The following KRIT1 variants were observed in gnomAD, a reference collection of about 807,000 sequenced individuals.
KRIT1 encodes krev interaction trapped protein 1.
Under a neutral mutation model 95.8 loss-of-function variants are expected in KRIT1, and 45 were observed. That is an observed-to-expected ratio of 0.47 (90% CI 0.37 to 0.60). The LOEUF (loss-of-function observed/expected upper bound fraction) is 0.60, where lower values mean the gene tolerates loss of function less well. KRIT1 is among the 20% of genes least tolerant of loss of function. The pLI, the probability that KRIT1 is intolerant of heterozygous loss-of-function variation, is 0.00. For synonymous variants in KRIT1, 282 were observed against 278.8 expected, an observed-to-expected ratio of 1.01 and a Z score of -0.11; for missense variants, 788 against 877.5, an observed-to-expected ratio of 0.90 and a Z score of 1.29.
At chr7:92,243,124 T>A (rs2131796658) in intron 3 of KRIT1, among the ~76,000 whole-genome samples, 1 of 152,224 alleles carries the variant, frequency 6.6e-6, no homozygotes, top group Admixed American at 6.5e-5. Flanking sequence ...CTGTCAATAA[T>A]CCAAATTTTT....
chr7:92,235,007 A>C, intron 8 of KRIT1, 84 bp from the exon 9 acceptor site: 1 of 736,232 alleles, frequency 1.4e-6, no homozygotes, highest in Admixed American at 2.0e-5. Flanking sequence ...ATTTTTACTT[A>C]TTTATTTATT....
rs1036990474 is a variant in KRIT1, at chr7:92,235,747, C to T, written c.486-101G>A. 2.4e-5 allele frequency: 26 copies of T among 1,061,572 alleles called. 1 individual carries two copies. In the African/African-American group the frequency reaches 3.0e-4, roughly 12 times the overall value. 65.8% of individuals were successfully genotyped at this position (1,061,572 alleles called of 1,614,324 possible). A position where few individuals can be genotyped will look rare whatever the true frequency, so the allele number is the denominator to read the frequency against. ...GATATATGACACTTGTGAATATTAC[C>T]TTCAGATTTTTATAATTTTAATTTA... is the stretch of plus-strand genomic sequence containing the variant. On this transcript the variant is annotated intron_variant, in intron 7 of 18. Transcript: ENST00000394505.
chr7:92,213,835 C>T (rs549687923), intron 16 of KRIT1, 57 bp downstream of exon 16: 10 of 993,546 alleles, frequency 1.0e-5, no homozygotes, highest in Middle Eastern at 2.1e-4. Flanking sequence ...ATTTATAACA[C>T]TAACAAAGTT....
chr7:92,222,477 T>G (rs774301629), intron 13 of KRIT1, among the ~76,000 whole-genome samples: 5 of 152,098 alleles, frequency 3.3e-5, no homozygotes, highest in Admixed American at 6.5e-5. Context: ...AATAGAAAAC[T>G]AATGTAAGAG....
chr7:92,232,211 G>C (rs1232450176), intron 10 of KRIT1, among the ~76,000 whole-genome samples: 1 of 151,974 alleles, frequency 6.6e-6, no homozygotes, highest in African/African-American at 2.4e-5. Flanking sequence ...TACAGGTGTG[G>C]GCCACTACAC....
rs551873487 is a variant in KRIT1 at position 92,226,465 on chromosome 7, G to A, written c.1146+61C>T. ...CTCAAACATACAATTTAACATTTTA[G>A]TGTCATTACTTGTTATTCACTGCTT... On this transcript the variant is annotated intron_variant, in intron 11 of 18. Coordinates refer to ENST00000394505, the MANE Select transcript of KRIT1 (RefSeq NM_194454.3). The A allele has an allele frequency of 5.0e-6, 6 of 1,198,498 alleles. No individual in the cohort carries two copies. The Admixed American group carries it at 1.0e-4, about 20-fold the overall frequency. 74.2% of individuals were successfully genotyped at this position (1,198,498 alleles called of 1,614,324 possible).
At chr7:92,230,645 A>G (rs1461674331) in intron 10 of KRIT1, among the ~76,000 whole-genome samples, 3 of 152,180 alleles carry the variant, frequency 2.0e-5, no homozygotes, top group Non-Finnish European at 4.4e-5. Context: ...TTCAAGAAGG[A>G]AGAGAATCAT....
intron 9 of KRIT1, 45 bp downstream of exon 9, chr7:92,234,763 T>C: frequency 5.8e-6 from 7 of 1,216,694 alleles, no homozygotes; most frequent in Non-Finnish European, 8.6e-6. Flanking sequence ...TAAATTAGAA[T>C]GTAAGTTTTT....
At chr7:92,235,043 A>G (rs1323470961) in intron 8 of KRIT1, 120 bp from the exon 9 acceptor site, 5 of 678,204 alleles carry the variant, frequency 7.4e-6, no homozygotes, top group South Asian at 3.2e-5. Flanking sequence ...TCTGTTGCCC[A>G]GGCTGGAGTT....
intron 18 of KRIT1, 72 bp from the exon 19 acceptor site, chr7:92,200,876 G>A: frequency 9.7e-7 from 1 of 1,036,218 alleles, no homozygotes; most frequent in Admixed American, 1.9e-5. Flanking sequence ...ATGACATTGG[G>A]CAGTTCCCTA....
intron 5 of KRIT1, among the ~76,000 whole-genome samples, chr7:92,238,008 C>T (rs1453619255): frequency 2.0e-5 from 3 of 152,100 alleles, no homozygotes; most frequent in Non-Finnish European, 2.9e-5. Flanking sequence ...GCTAGGAAAA[C>T]TGTTCTGCTA....
intron 14 of KRIT1, among the ~76,000 whole-genome samples, chr7:92,218,887 T>C (rs1354544614): frequency 6.6e-6 from 1 of 152,242 alleles, no homozygotes; most frequent in Non-Finnish European, 1.5e-5. Context: ...CATGCTTTTG[T>C]TGTCATATCT....
chr7:92,200,502 C>T lies in KRIT1; in HGVS notation c.*234G>A, dbSNP rs574668355. On this transcript the variant is annotated 3_prime_UTR_variant, in exon 19 of 19. Coordinates refer to ENST00000394505, the MANE Select transcript of KRIT1 (RefSeq NM_194454.3). ...CCTAGTAGCTAGGATTATAGGCGCC[C>T]GCCACCACACCCAGCTAATTTTTGT... 125 of 468,072 alleles carry T rather than the reference C, an allele frequency of 2.7e-4. 1 individual carries two copies. The highest frequency in any genetic ancestry group is 1.1e-3 in the South Asian group (53 of 48,264). 29.0% of individuals were successfully genotyped at this position (468,072 alleles called of 1,614,324 possible).
intron 5 of KRIT1, among the ~76,000 whole-genome samples, chr7:92,240,375 C>T (rs963485818): frequency 2.0e-5 from 3 of 152,146 alleles, no homozygotes; most frequent in Non-Finnish European, 2.9e-5. Flanking sequence ...CTGTTTTCTA[C>T]TGCTGCTTGA....
At chr7:92,203,440 T>G (rs967994056) in intron 17 of KRIT1, among the ~76,000 whole-genome samples, 1 of 152,210 alleles carries the variant, frequency 6.6e-6, no homozygotes, top group African/African-American at 2.4e-5. Context: ...ACCTTTACTC[T>G]TTGGTTCAAT....
chr7:92,242,281 C>G (rs1287354743), intron 3 of KRIT1, 144 bp from the exon 4 acceptor site: 2 of 640,012 alleles, frequency 3.1e-6, no homozygotes, highest in Admixed American at 5.1e-5. Context: ...AAAATGTTCT[C>G]TATCCTAGAA....
chr7:92,205,682 G>A (rs1445052212), intron 17 of KRIT1: 1 of 152,120 alleles, frequency 6.6e-6, no homozygotes, highest in Non-Finnish European at 1.5e-5. Flanking sequence ...GTTGTAGTGA[G>A]CCAAGATCAC....
At chr7:92,223,002 A>T in intron 12 of KRIT1, 24 bp from the exon 13 acceptor site, 1 of 1,527,196 alleles carries the variant, frequency 6.5e-7, no homozygotes, top group Non-Finnish European at 9.1e-7. Flanking sequence ...TAACTTACGT[A>T]ACGAACTTAA....
At chr7:92,228,542 G>A (rs1563284670) in intron 10 of KRIT1, among the ~76,000 whole-genome samples, 1 of 151,194 alleles carries the variant, frequency 6.6e-6, no homozygotes, top group Non-Finnish European at 1.5e-5. Flanking sequence ...TTACTCAGGT[G>A]ATTTGTTTTA....
Sources: allele counts gnomAD v4.1 joint callset (sites outside exome capture counted in the v4.1 genomes callset), GRCh38; gene constraint gnomAD v4.1.1; transcripts MANE v1.5; gene names NCBI Gene and HGNC (gene_info 2026-07-23, HGNC 2026-07-21).